ZFP57: variants seen among roughly 807,000 people sequenced by gnomAD.
ZFP57 encodes the protein zinc finger protein 57 homolog.
In ZFP57, 12 loss-of-function variants were observed where a neutral mutation model predicts 15.8. The ratio of observed to expected loss-of-function variants is 0.76; its 90% CI spans 0.49 to 1.23. The LOEUF (loss-of-function observed/expected upper bound fraction) is 1.23. Among genes scored for constraint, ZFP57 ranks in the 50% most tolerant of loss-of-function variants. The probability of loss-of-function intolerance (pLI) is 0.00; values close to 1 mark genes in which losing one functional copy is unlikely to be tolerated. For missense variants in ZFP57, 536 were observed against 654.9 expected (o/e 0.82, Z 1.98); for synonymous variants, 203 against 242.3 (o/e 0.84, Z 1.51).
At position 29,674,919 on chromosome 6, in the gene ZFP57, G is replaced by A. The variant is rs138799334; in HGVS notation, c.352+467C>T. On this transcript the variant is annotated intron_variant, in intron 4 of 4. Coordinates refer to ENST00000376883, the MANE Select transcript of ZFP57 (RefSeq NM_001109809.5). The stretch of plus-strand genomic sequence containing the variant: ...TGTAATCCCAGCACTTTGGGAGGCC[G>A]AGGTGGATGGATAACCTGAGGTCAA... Among the ~76,000 whole-genome samples the A allele has an allele frequency of 2.8e-4, 42 of 152,238 alleles. No homozygotes were observed. The East Asian group carries it at 7.3e-3, about 27-fold the overall frequency.
chr6:29,675,266 G>C (rs573186122), intron 4 of ZFP57, 120 bp downstream of exon 4: 20 of 808,310 alleles, frequency 2.5e-5, no homozygotes, highest in Admixed American at 3.6e-5. Context: ...GTCTGACCAG[G>C]CTGGACAGAG....
In ZFP57 at chr6:29,675,371, C is replaced by T; in HGVS notation, c.352+15G>A. The T allele has an allele frequency of 6.3e-7, 1 of 1,597,864 alleles. No homozygotes were observed. Among genetic ancestry groups the T allele is most frequent in the African/African-American group, 1.3e-5 (1 of 74,676 alleles). ...TGGGCCCTTTTCCCCTTCCTCCCTG[C>T]TTGGCAATTCTTACCTGAAAGGCCT... On this transcript the variant is annotated intron_variant, in intron 4 of 4. Coordinates refer to ENST00000376883, the MANE Select transcript of ZFP57 (RefSeq NM_001109809.5).
chr6:29,680,559 C>A (rs983733439), intron 1 of ZFP57, among the ~76,000 whole-genome samples: 1 of 152,188 alleles, frequency 6.6e-6, no homozygotes, highest in Admixed American at 6.5e-5. Context: ...CTGCACCTAC[C>A]CACCAGATCG....
chr6:29,679,747 G>A (rs1275022817), intron 1 of ZFP57, among the ~76,000 whole-genome samples: 2 of 152,182 alleles, frequency 1.3e-5, no homozygotes, highest in East Asian at 1.9e-4. Context: ...ATCCCGGCGT[G>A]GTGGCGCATG....
chr6:29,673,098 C>A lies in ZFP57; in HGVS notation c.1013G>T (p.Gly338Val). 1 of 1,612,936 alleles carries A rather than the reference C, an allele frequency of 6.2e-7. No individual in the cohort carries two copies. The highest frequency in any genetic ancestry group is 8.5e-7 in the Non-Finnish European group (1 of 1,180,018). The part of the protein sequence containing the change: ...RSQEPIFRTE[G>V]PMAQNQASVL... ...AGATGCCTGGTTCTGGGCCATAGGA[C>A]CCTCAGTTCTAAATATGGGTTCCTG... Residue 338 changes from glycine to valine, a missense_variant, in exon 5 of 5, where the codon GGT becomes GTT. By Grantham distance (109) the Gly-to-Val change is moderately radical. Coordinates refer to ENST00000376883, the MANE Select transcript of ZFP57 (RefSeq NM_001109809.5). The surrounding 1 kb of genome is among the most constrained non-coding windows in gnomAD (Gnocchi z 4.7).
chr6:29,680,230 G>C (rs985052378), intron 1 of ZFP57, among the ~76,000 whole-genome samples: 1 of 152,148 alleles, frequency 6.6e-6, no homozygotes, highest in African/African-American at 2.4e-5. Flanking sequence ...ATCTGTACCC[G>C]GGCCTGTCCC....
rs370274313 is a variant in ZFP57 at position 29,673,492 on chromosome 6, G to C, written c.619C>G (p.Gln207Glu). ...HNPKLTNSCS[Q>E]CGKLFRSPKS... ...GGGCTCCGAAACAACTTCCCACACT[G>C]ACTGCAGCTGTTAGTCAGCTTGGGA... The change falls in exon 5 of 5, where the codon CAG (glutamine) becomes GAG (glutamate). Residue 207 changes from glutamine (Q) to glutamate (E), a missense_variant. By Grantham distance (29) the Gln-to-Glu change is conservative. Transcript: ENST00000376883. The surrounding 1 kb of genome is among the most constrained non-coding windows in gnomAD (Gnocchi z 4.7). The C allele has an allele frequency of 1.4e-5, 22 of 1,612,990 alleles. No individual in the cohort carries two copies. In the African/African-American group the frequency reaches 2.5e-4, roughly 19 times the overall value.
chr6:29,676,151 T>C (rs1159293296), intron 2 of ZFP57, 92 bp from the exon 3 acceptor site: 4 of 1,217,458 alleles, frequency 3.3e-6, no homozygotes, highest in Non-Finnish European at 4.5e-6. Flanking sequence ...AGTCTCAAGA[T>C]TCAGAGAATT....
intron 4 of ZFP57, among the ~76,000 whole-genome samples, chr6:29,674,441 T>A (rs912787337): frequency 3.3e-5 from 5 of 152,324 alleles, no homozygotes; most frequent in Non-Finnish European, 7.4e-5. Flanking sequence ...TTCAACACTG[T>A]CAGAAATGTA....
At chr6:29,676,763 A>G (rs1376044465) in intron 2 of ZFP57, 118 bp downstream of exon 2, 2 of 1,351,810 alleles carry the variant, frequency 1.5e-6, no homozygotes, top group Non-Finnish European at 2.0e-6. Flanking sequence ...CTTTTTCTGG[A>G]TGTCGTTCAG....
Position 29,673,278 on chromosome 6 carries a change from T to C in ZFP57, c.833A>G (p.Gln278Arg), listed in dbSNP as rs780783557. The C allele has an allele frequency of 4.2e-5, 68 of 1,612,978 alleles. No homozygotes were observed. Among genetic ancestry groups the C allele is most frequent in the Non-Finnish European group, 5.5e-5 (65 of 1,180,058 alleles). ...FRDQSELKRH[Q>R]KIHQNQEPVD... Reference sequence around the variant, plus strand: ...TGGCTCCTGGTTTTGGTGTATCTTCTGGTGGCGTTTGAGCTCAGACTGGTC... The same window carrying C: ...TGGCTCCTGGTTTTGGTGTATCTTCCGGTGGCGTTTGAGCTCAGACTGGTC... Residue 278 changes from glutamine to arginine, a missense_variant, in exon 5 of 5, where the codon CAG (glutamine) becomes CGG (arginine). By Grantham distance (43) the Gln-to-Arg change is conservative. Coordinates refer to ENST00000376883, the MANE Select transcript of ZFP57 (RefSeq NM_001109809.5). The surrounding 1 kb of genome is among the most constrained non-coding windows in gnomAD (Gnocchi z 4.7).
chr6:29,679,359 A>G (rs1442284240), intron 1 of ZFP57, among the ~76,000 whole-genome samples: 2 of 152,220 alleles, frequency 1.3e-5, no homozygotes, highest in Non-Finnish European at 2.9e-5. Flanking sequence ...TGTTAATAGA[A>G]CTGAAAATAC....
chr6:29,673,702 T>G lies in ZFP57; in HGVS notation c.409A>C (p.Ser137Arg). ...CATGCAAGGAAGACCTTGTCATCAC[T>G]AGTCCCCTCATCTCTCAGACTGGGA... The part of the protein sequence containing the change: ...QHPSLRDEGT[S>R]DDKVFLACRG... Residue 137 changes from serine to arginine, a missense_variant, in exon 5 of 5, where the codon AGT (serine) becomes CGT (arginine). Ser to Arg is a moderately radical substitution (Grantham distance 110). Transcript: ENST00000376883. This position sits in a 1 kb window ranked among gnomAD's most constrained non-coding sequence, Gnocchi z 4.7. 6.2e-7 allele frequency: 1 copy of G among 1,613,134 alleles called. No homozygotes were observed. The highest frequency in any genetic ancestry group is 8.5e-7 in the Non-Finnish European group (1 of 1,180,038).
chr6:29,674,234 G>A (rs780002008), intron 4 of ZFP57, among the ~76,000 whole-genome samples: 13 of 151,136 alleles, frequency 8.6e-5, no homozygotes, highest in Non-Finnish European at 1.6e-4. Flanking sequence ...AGACGAAGAC[G>A]AAGAAGAAGA....
intron 1 of ZFP57, among the ~76,000 whole-genome samples, chr6:29,678,249 G>T (rs906546843): frequency 3.9e-5 from 6 of 152,200 alleles, no homozygotes; most frequent in Non-Finnish European, 8.8e-5. Flanking sequence ...TAAATTGCTT[G>T]ACATTCTGAG....
Position 29,677,146 on chromosome 6 carries a change from G to A in ZFP57, c.-143C>T, listed in dbSNP as rs1772117004. Reference sequence around the variant, plus strand: ...AGCAAAGGCCCCAGGGTTTGATGTGGCTTCCTGTGACAAATGTATCTGCTC... The same window carrying A: ...AGCAAAGGCCCCAGGGTTTGATGTGACTTCCTGTGACAAATGTATCTGCTC... On this transcript the variant is annotated 5_prime_UTR_variant, in exon 2 of 5. Coordinates refer to ENST00000376883, the MANE Select transcript of ZFP57 (RefSeq NM_001109809.5). 3 of 1,138,566 alleles carry A rather than the reference G, an allele frequency of 2.6e-6. No homozygotes were observed. Among genetic ancestry groups the A allele is most frequent in the Non-Finnish European group, 3.9e-6 (3 of 771,136 alleles). 70.5% of individuals were successfully genotyped at this position (1,138,566 alleles called of 1,614,324 possible). A position where few individuals can be genotyped will look rare whatever the true frequency, so the allele number is the denominator to read the frequency against.
intron 1 of ZFP57, among the ~76,000 whole-genome samples, chr6:29,678,901 C>A (rs1772200254): frequency 6.6e-6 from 1 of 152,176 alleles, no homozygotes; most frequent in South Asian, 2.1e-4. Flanking sequence ...GGCGTGGTGG[C>A]ACGCTGTAGT....
chr6:29,678,036 C>G (rs1270768871), intron 1 of ZFP57, among the ~76,000 whole-genome samples: 1 of 152,072 alleles, frequency 6.6e-6, no homozygotes, highest in African/African-American at 2.4e-5. Flanking sequence ...CCTGTCTCTA[C>G]TAAAAATACA....
intron 1 of ZFP57, among the ~76,000 whole-genome samples, chr6:29,678,936 A>G (rs549954714): frequency 6.6e-6 from 1 of 152,338 alleles, no homozygotes; most frequent in East Asian, 1.9e-4. Context: ...ATGCTGAGGC[A>G]GAATTACTTG....
Sources: allele counts gnomAD v4.1 joint callset (sites outside exome capture counted in the v4.1 genomes callset), GRCh38; gene constraint gnomAD v4.1.1; non-coding constraint Gnocchi (gnomAD v3.1); transcripts MANE v1.5; gene names NCBI Gene and HGNC (gene_info 2026-07-23, HGNC 2026-07-21).